Variants in GAB4 observed in about 807,000 individuals in gnomAD.
GAB4 encodes GRB2-associated-binding protein 4.
A neutral mutation model predicts 51.3 loss-of-function variants in GAB4; 26 were observed. The ratio of observed to expected loss-of-function variants is 0.51; its 90% CI spans 0.37 to 0.70. GAB4 has a LOEUF of 0.70. GAB4 is among the 30% of genes least tolerant of loss of function. GAB4 has a pLI of 0.00. For synonymous variants in GAB4, 329 were observed against 291.2 expected, an observed-to-expected ratio of 1.13 and a Z score of -1.32; for missense variants, 759 against 734.6, an observed-to-expected ratio of 1.03 and a Z score of -0.38.
intron 3 of GAB4, among the ~76,000 whole-genome samples, chr22:16,972,514 G>A (rs796687375): frequency 1.6e-4 from 24 of 152,282 alleles, no homozygotes; most frequent in South Asian, 6.2e-4. Context: ...CAAGAGCTTC[G>A]GAAGGATGTC....
At chr22:16,987,909 A>G (rs2123697700) in intron 3 of GAB4, 51 bp downstream of exon 3, 1 of 1,403,972 alleles carries the variant, frequency 7.1e-7, no homozygotes, top group East Asian at 2.4e-5. Context: ...GACTGAATAG[A>G]ACAAGACCTT....
intron 2 of GAB4, among the ~76,000 whole-genome samples, chr22:16,989,633 T>C (rs1384757535): frequency 6.6e-6 from 1 of 152,156 alleles, no homozygotes; most frequent in Non-Finnish European, 1.5e-5. Flanking sequence ...GCAAGATGAA[T>C]GCTCTACCAG....
At chr22:16,968,219 G>T in intron 5 of GAB4, 79 bp downstream of exon 5, 1 of 977,706 alleles carries the variant, frequency 1.0e-6, no homozygotes, top group Non-Finnish European at 1.7e-6. Flanking sequence ...ACCCTTTGGG[G>T]GATGTGCTTT....
intron 1 of GAB4, among the ~76,000 whole-genome samples, chr22:16,995,298 T>C (rs1285796768): frequency 6.6e-6 from 1 of 152,240 alleles, no homozygotes; most frequent in African/African-American, 2.4e-5. Flanking sequence ...AGCTGTGGAT[T>C]GCTCGGCTCC....
At chr22:16,969,079 G>A (rs1337660405) in intron 4 of GAB4, among the ~76,000 whole-genome samples, 1 of 152,220 alleles carries the variant, frequency 6.6e-6, no homozygotes, top group Non-Finnish European at 1.5e-5. Context: ...TGTTTTCATT[G>A]AGGAGAGGAG....
At chr22:17,007,336 TACACTGCAGTGC>T (rs1208370204) in intron 1 of GAB4, among the ~76,000 whole-genome samples, 1 of 152,210 alleles carries the variant, frequency 6.6e-6, no homozygotes, top group African/African-American at 2.4e-5. Flanking sequence ...TATAGAAAAC[TACACTGCAGTGC>T]ACACTGTCCC....
At chr22:16,989,307 T>C (rs1254018375) in intron 2 of GAB4, among the ~76,000 whole-genome samples, 1 of 152,128 alleles carries the variant, frequency 6.6e-6, no homozygotes, top group Non-Finnish European at 1.5e-5. Context: ...TTTCTAAGGG[T>C]TCTTCAAGTC....
At chr22:16,973,310 T>C (rs1265837696) in intron 3 of GAB4, among the ~76,000 whole-genome samples, 2 of 152,188 alleles carry the variant, frequency 1.3e-5, no homozygotes, top group African/African-American at 4.8e-5. Flanking sequence ...GCTTGTCACA[T>C]AGCAAATAAT....
At position 17,004,723 on chromosome 22, in the gene GAB4, G is replaced by A. The variant is rs1479962694; in HGVS notation, c.174+3218C>T. ...GACAAACAATCAATAAACGTAATCC[G>A]TCACATAAAAAGAACCAATGACAAA... On this transcript the variant is annotated intron_variant, in intron 1 of 9. Transcript: ENST00000400588. Among the ~76,000 whole-genome samples the A allele has an allele frequency of 6.3e-5, 9 of 142,638 alleles. No homozygotes were observed. In the Middle Eastern group the frequency reaches 0.011, roughly 180 times the overall value. The allele number at this position is 142,638 out of a possible 152,430, so 93.6% of individuals were successfully genotyped here. A position where few individuals can be genotyped will look rare whatever the true frequency, so the allele number is the denominator to read the frequency against.
chr22:17,002,676 T>A (rs1393077081), intron 1 of GAB4, among the ~76,000 whole-genome samples: 2 of 152,018 alleles, frequency 1.3e-5, no homozygotes, highest in African/African-American at 4.8e-5. Flanking sequence ...CTGGGGCCTG[T>A]TGTTGGGGGC....
chr22:16,978,332 A>G (rs763382238), intron 3 of GAB4, among the ~76,000 whole-genome samples: 34 of 152,224 alleles, frequency 2.2e-4, no homozygotes, highest in Non-Finnish European at 4.4e-4. Context: ...AGACACAATA[A>G]AAAACGATAA....
At chr22:17,003,552 A>C (rs1425849791) in intron 1 of GAB4, among the ~76,000 whole-genome samples, 1 of 152,230 alleles carries the variant, frequency 6.6e-6, no homozygotes, top group Non-Finnish European at 1.5e-5. Context: ...AACTACATGG[A>C]AACTGAAAAA....
intron 1 of GAB4, among the ~76,000 whole-genome samples, chr22:17,003,567 C>T (rs1174619517): frequency 6.6e-6 from 1 of 152,140 alleles, no homozygotes; most frequent in African/African-American, 2.4e-5. Context: ...GAAAAACCTG[C>T]TCCTGAATGA....
chr22:16,963,701 C>T, intron 9 of GAB4, 24 bp downstream of exon 9: 1 of 1,583,040 alleles, frequency 6.3e-7, no homozygotes, highest in Non-Finnish European at 8.7e-7. Flanking sequence ...GGGCTCTGCC[C>T]AACCCCAGCT....
intron 1 of GAB4, among the ~76,000 whole-genome samples, chr22:17,002,312 T>G (rs1601292835): frequency 6.6e-6 from 1 of 152,314 alleles, no homozygotes; most frequent in Non-Finnish European, 1.5e-5. Flanking sequence ...AAAAGAATTT[T>G]CAACCCATAA....
At chr22:16,974,043 C>A (rs183397758) in intron 3 of GAB4, among the ~76,000 whole-genome samples, 2 of 152,234 alleles carry the variant, frequency 1.3e-5, no homozygotes, top group Admixed American at 6.5e-5. Context: ...ACTAAAAGAA[C>A]AGGAGCACTG....
intron 1 of GAB4, among the ~76,000 whole-genome samples, chr22:17,001,600 G>A (rs1322398564): frequency 1.3e-5 from 2 of 152,268 alleles, no homozygotes; most frequent in East Asian, 1.9e-4. Flanking sequence ...CTTTAGCTCG[G>A]AGAAGTTCAT....
At chr22:16,981,980 T>C (rs940006967) in intron 3 of GAB4, among the ~76,000 whole-genome samples, 1 of 152,174 alleles carries the variant, frequency 6.6e-6, no homozygotes, top group African/African-American at 2.4e-5. Context: ...TTTCAAAATA[T>C]GACAAAAAGT....
rs761719842 is a variant in GAB4, at chr22:16,963,790, T to C, written c.1516A>G (p.Ser506Gly). ...SAFPVSGGTS[S>G]SAPPRSTGNI... ...CCAGTGCTCCTCGGCGGGGCTGAAC[T>C]GCTGGTGCCACCGGAAACAGGAAAT... Residue 506 changes from serine to glycine, a missense_variant, in exon 9 of 10, where the codon AGT becomes GGT. This residue lies in a region of GAB4 where 588 missense variants were observed against 510.2 expected (regional missense o/e 1.15). Transcript: ENST00000400588. 1.9e-6 allele frequency: 3 copies of C among 1,613,844 alleles called. No homozygotes were observed. The highest frequency in any genetic ancestry group is 1.7e-5 in the Admixed American group (1 of 59,998).
Sources: gnomAD v4.1 joint callset for allele counts (sites outside exome capture counted in the v4.1 genomes callset) on GRCh38, gnomAD v4.1.1 for gene constraint, gnomAD v4.1.1 regional missense constraint, MANE v1.5 for transcripts, NCBI Gene and HGNC (gene_info 2026-07-23, HGNC 2026-07-21) for gene names.